The following SLC26A3 variants were observed in gnomAD, a reference collection of about 807,000 sequenced individuals.
SLC26A3 encodes the protein chloride anion exchanger.
SLC26A3 carries 64 observed loss-of-function variants against 85.6 expected under a neutral mutation model. The ratio of observed to expected loss-of-function variants is 0.75; its 90% CI spans 0.61 to 0.92. SLC26A3 has a LOEUF of 0.92. Among genes scored for constraint, SLC26A3 ranks in the 40% least tolerant of loss-of-function variants. SLC26A3 has a pLI of 0.00. For missense variants in SLC26A3, 922 were observed against 927.3 expected (o/e 0.99, Z 0.07); for synonymous variants, 349 against 336.0 (o/e 1.04, Z -0.42).
rs1159447429 is a variant in SLC26A3, at chr7:107,767,624, A to G, written c.2226T>C (p.Asp742=). 1.9e-6 allele frequency: 3 copies of G among 1,611,058 alleles called. No individual in the cohort carries two copies. Among genetic ancestry groups the G allele is most frequent in the Non-Finnish European group, 1.7e-6 (2 of 1,177,540 alleles). ...NPSQEKDGKI[D]FTINTNGGLR... is the part of the protein sequence containing the mutation. ...ATCCTCCATTTGTATTTATGGTAAA[A>G]TCAATTTTTCCATCTTTTTCCTGAG... Residue 742 remains aspartate, a synonymous_variant, in exon 20 of 21, where the codon GAT becomes GAC. Coordinates refer to ENST00000340010, the MANE Select transcript of SLC26A3 (RefSeq NM_000111.3).
chr7:107,780,669 T>C (rs1794202475), intron 11 of SLC26A3, among the ~76,000 whole-genome samples: 1 of 152,224 alleles, frequency 6.6e-6, no homozygotes, highest in Admixed American at 6.5e-5. Context: ...TGAACTGATC[T>C]GCCTATTTCT....
chr7:107,785,463 G>A (rs893295595), intron 8 of SLC26A3, among the ~76,000 whole-genome samples: 1 of 152,196 alleles, frequency 6.6e-6, no homozygotes, highest in Non-Finnish European at 1.5e-5. Context: ...TAAGACTGTT[G>A]TTGAGGTATT....
chr7:107,787,462 G>C lies in SLC26A3; in HGVS notation c.783C>G (p.Asp261Glu), dbSNP rs1794316538. Reference sequence around the variant, plus strand: ...AAAGGACAATCAGAGCTGTCACCAGGTCTGCAATATTAGTCTTCTCTATTT... The same window carrying C: ...AAAGGACAATCAGAGCTGTCACCAGCTCTGCAATATTAGTCTTCTCTATTT... ...FSQIEKTNIA[D>E]LVTALIVLLV... Residue 261 changes from aspartate (D) to glutamate (E), a missense_variant, in exon 7 of 21, where the codon GAC becomes GAG. Coordinates refer to ENST00000340010, the MANE Select transcript of SLC26A3 (RefSeq NM_000111.3). The C allele has an allele frequency of 1.9e-6, 3 of 1,612,818 alleles. No individual in the cohort carries two copies. Among genetic ancestry groups the C allele is most frequent in the Non-Finnish European group, 2.5e-6 (3 of 1,179,068 alleles).
At chr7:107,770,046 CTTTCTCTTTT>C (rs1793989330) in intron 18 of SLC26A3, among the ~76,000 whole-genome samples, 1 of 110,936 alleles carries the variant, frequency 9.0e-6, no homozygotes, top group South Asian at 2.9e-4. Context: ...TTCTTTCTTT[CTTTCTCTTTT>C]CTTTCTTTTT....
rs925013188 is a variant in SLC26A3, at chr7:107,767,475, C to CA, written c.2271+103dup. ...TAGGGATGAGGCACAGAGGCTCAAG[C>CA]AAGTGCTGGACTTTCTGCCACATGC... On this transcript the variant is annotated intron_variant, in intron 20 of 20. Transcript: ENST00000340010. 17 of 832,002 alleles carry CA rather than the reference C, an allele frequency of 2.0e-5. No homozygotes were observed. The Admixed American group carries it at 2.1e-4, about 10-fold the overall frequency. 51.5% of individuals were successfully genotyped at this position (832,002 alleles called of 1,614,324 possible).
Position 107,776,542 on chromosome 7 carries a change from C to T in SLC26A3, c.1587G>A (p.Met529Ile), listed in dbSNP as rs900431172. 6.2e-7 allele frequency: 1 copy of T among 1,613,542 alleles called. No individual in the cohort carries two copies. Among genetic ancestry groups the T allele is most frequent in the Non-Finnish European group, 8.5e-7 (1 of 1,179,448 alleles). The part of the protein sequence containing the change: ...IYKNKKDYYD[M>I]YEPEGVKIFR... Reference sequence around the variant, plus strand: ...AAATTTTCACTCCTTCTGGCTCATACATCTGTAAGGCAGAGAAGCATTGTT... The same window carrying T: ...AAATTTTCACTCCTTCTGGCTCATATATCTGTAAGGCAGAGAAGCATTGTT... Residue 529 changes from methionine to isoleucine, a missense_variant and splice_region_variant, in exon 15 of 21, where the codon ATG (methionine) becomes ATA (isoleucine). Coordinates refer to ENST00000340010, the MANE Select transcript of SLC26A3 (RefSeq NM_000111.3).
intron 8 of SLC26A3, among the ~76,000 whole-genome samples, chr7:107,784,486 C>T (rs1312534667): frequency 6.6e-6 from 1 of 152,096 alleles, no homozygotes; most frequent in Admixed American, 6.5e-5. Flanking sequence ...TCCTCTTTCC[C>T]AGGCTGGAGT....
At chr7:107,795,015 ATT>A (rs1794472967) in intron 1 of SLC26A3, among the ~76,000 whole-genome samples, 1 of 152,162 alleles carries the variant, frequency 6.6e-6, no homozygotes. Flanking sequence ...GAATTTTAAA[ATT>A]TGTTTTTTTT....
rs1201579153 is a variant in SLC26A3 at position 107,774,883 on chromosome 7, C to T, written c.1678-11G>A. 6.2e-7 allele frequency: 1 copy of T among 1,606,292 alleles called. No individual in the cohort carries two copies. Among genetic ancestry groups the T allele is most frequent in the East Asian group, 2.2e-5 (1 of 44,842 alleles). On this transcript the variant is annotated splice_polypyrimidine_tract_variant and intron_variant, in intron 15 of 20. Transcript: ENST00000340010. ...TGGACTAAAGCCAACCTGAGAAACC[C>T]ATTGCTGTGTTACAAGAGTACTGAA...
intron 1 of SLC26A3, among the ~76,000 whole-genome samples, chr7:107,794,938 G>A (rs1286463018): frequency 1.3e-5 from 2 of 152,112 alleles, no homozygotes; most frequent in Admixed American, 1.3e-4. Context: ...TAAGTGTTGG[G>A]ACAGGTTAGA....
intron 1 of SLC26A3, among the ~76,000 whole-genome samples, chr7:107,801,925 C>CAAAA (rs11356401): frequency 1.8e-3 from 167 of 91,234 alleles, no homozygotes; most frequent in African/African-American, 2.9e-3. Context: ...ACTGAAAATA[C>CAAAA]AAAAAAAAAA....
chr7:107,772,738 T>C (rs1179781128), intron 17 of SLC26A3, among the ~76,000 whole-genome samples: 1 of 152,116 alleles, frequency 6.6e-6, no homozygotes, highest in Non-Finnish European at 1.5e-5. Context: ...CTTTGTGTTA[T>C]ACTGCTAGAA....
Position 107,791,872 on chromosome 7 carries a change from T to C in SLC26A3, c.340A>G (p.Ile114Val), listed in dbSNP as rs781074197. 12 of 1,613,758 alleles carry C rather than the reference T, an allele frequency of 7.4e-6. No individual in the cohort carries two copies. Among genetic ancestry groups the C allele is most frequent in the East Asian group, 2.2e-5 (1 of 44,848 alleles). Residue 114 changes from isoleucine (I) to valine (V), a missense_variant, in exon 4 of 21, where the codon ATA (isoleucine) becomes GTA (valine). Coordinates refer to ENST00000340010, the MANE Select transcript of SLC26A3 (RefSeq NM_000111.3). ...YGLYASFFPAIIYLFFGTSRH... is the reference protein window; with the variant it reads ...YGLYASFFPAVIYLFFGTSRH... ...GAAGTGCCGAAGAAAAGGTAGATTA[T>C]GGCTGGGAAAAAGGATGCATACAAC...
chr7:107,774,323 G>C (rs1794075834), intron 16 of SLC26A3, among the ~76,000 whole-genome samples, 170 bp from the exon 17 acceptor site: 1 of 152,130 alleles, frequency 6.6e-6, no homozygotes, highest in Admixed American at 6.5e-5. Context: ...AAACTGAGGT[G>C]GGAGGATCAC....
At chr7:107,768,006 C>T (rs757506137) in intron 18 of SLC26A3, 98 bp from the exon 19 acceptor site, 191 of 1,076,560 alleles carry the variant, frequency 1.8e-4, no homozygotes, top group Middle Eastern at 2.5e-4. Context: ...TGCAAATGTG[C>T]GTTTCATTGA....
At chr7:107,798,639 T>G (rs969304371) in intron 1 of SLC26A3, among the ~76,000 whole-genome samples, 1 of 152,088 alleles carries the variant, frequency 6.6e-6, no homozygotes, top group Non-Finnish European at 1.5e-5. Context: ...GCAGAACACT[T>G]CCCAGCCCCT....
chr7:107,802,762 G>C (rs1025594700), intron 1 of SLC26A3, among the ~76,000 whole-genome samples: 16 of 49,202 alleles, frequency 3.3e-4, no homozygotes, highest in African/African-American at 1.9e-4. Flanking sequence ...TTTTTTTTTT[G>C]CCAACCCTCA....
At chr7:107,767,179 C>T (rs1275532732) in intron 20 of SLC26A3, among the ~76,000 whole-genome samples, 1 of 152,168 alleles carries the variant, frequency 6.6e-6, no homozygotes. Context: ...ACTTCTCAAG[C>T]ATCTGGCTAT....
At chr7:107,787,264 C>T in intron 7 of SLC26A3, 93 bp downstream of exon 7, 1 of 1,305,408 alleles carries the variant, frequency 7.7e-7, no homozygotes. Context: ...ATGGCCTCTG[C>T]CCCACTAAAA....
Sources: gnomAD v4.1 joint callset for allele counts (sites outside exome capture counted in the v4.1 genomes callset) on GRCh38, gnomAD v4.1.1 for gene constraint, MANE v1.5 for transcripts, NCBI Gene and HGNC (gene_info 2026-07-23, HGNC 2026-07-21) for gene names.